GPR39: variants seen among roughly 807,000 people sequenced by gnomAD.
GPR39 encodes G protein-coupled receptor 39.
Under a neutral mutation model 18.4 loss-of-function variants are expected in GPR39, and 23 were observed. That is an observed-to-expected ratio of 1.25 (90% CI 0.90 to 1.77). GPR39 has a LOEUF of 1.77. Ranked by LOEUF, GPR39 falls within the 40% of genes most tolerant of loss-of-function variation. GPR39 has a pLI of 0.00. For synonymous variants in GPR39, 280 were observed against 257.9 expected (o/e 1.09, Z -0.82); for missense variants, 647 against 602.4 (o/e 1.07, Z -0.78).
chr2:132,579,796 CTTATCCT>C (rs1366744399), intron 1 of GPR39, among the ~76,000 whole-genome samples: 3 of 152,108 alleles, frequency 2.0e-5, no homozygotes, highest in African/African-American at 7.2e-5. Context: ...TCTCCTCTGA[CTTATCCT>C]TAAATGTTTC....
chr2:132,601,613 T>TG (rs1320560930), intron 1 of GPR39, among the ~76,000 whole-genome samples: 1 of 151,942 alleles, frequency 6.6e-6, no homozygotes, highest in African/African-American at 2.4e-5. Context: ...GCATATACAC[T>TG]GAAAAAAAGG....
chr2:132,462,379 T>G (rs764572615), intron 1 of GPR39, among the ~76,000 whole-genome samples: 35 of 152,184 alleles, frequency 2.3e-4, no homozygotes, highest in Non-Finnish European at 4.4e-4. Context: ...GAAACCTACT[T>G]CTCAGGGGTA....
intron 1 of GPR39, among the ~76,000 whole-genome samples, chr2:132,631,177 TGAA>T (rs1235036173): frequency 6.6e-6 from 1 of 152,130 alleles, no homozygotes; most frequent in Non-Finnish European, 1.5e-5. Flanking sequence ...AGATAACAGA[TGAA>T]GAATAGCTTT....
At chr2:132,612,227 C>G (rs955176324) in intron 1 of GPR39, among the ~76,000 whole-genome samples, 6 of 152,150 alleles carry the variant, frequency 3.9e-5, no homozygotes, top group Non-Finnish European at 7.3e-5. Context: ...AATTTGCTCT[C>G]CATCTCAGGA....
chr2:132,628,004 GTTATATT>G (rs1163156122), intron 1 of GPR39, among the ~76,000 whole-genome samples: 2 of 152,216 alleles, frequency 1.3e-5, no homozygotes, highest in African/African-American at 4.8e-5. Context: ...TGGCTCAGGT[GTTATATT>G]TTGGGCTTCT....
intron 1 of GPR39, among the ~76,000 whole-genome samples, chr2:132,551,987 C>G (rs1680053163): frequency 6.6e-6 from 1 of 152,122 alleles, no homozygotes; most frequent in Non-Finnish European, 1.5e-5. Context: ...AGAGAAATAG[C>G]ACCAATAGGA....
chr2:132,501,820 C>T (rs2104751011), intron 1 of GPR39, among the ~76,000 whole-genome samples: 1 of 152,202 alleles, frequency 6.6e-6, no homozygotes, highest in East Asian at 1.9e-4. Flanking sequence ...CCTTTTACCA[C>T]TATATAATGT....
chr2:132,632,400 G>A (rs1681666423), intron 1 of GPR39, among the ~76,000 whole-genome samples: 2 of 152,138 alleles, frequency 1.3e-5, no homozygotes, highest in Admixed American at 1.3e-4. Flanking sequence ...CTGACATTGT[G>A]TTCTTCACCA....
At chr2:132,483,532 C>T (rs975180411) in intron 1 of GPR39, among the ~76,000 whole-genome samples, 6 of 152,154 alleles carry the variant, frequency 3.9e-5, no homozygotes, top group African/African-American at 1.2e-4. Flanking sequence ...CGTGATTGGC[C>T]GTTCTGGTCT....
chr2:132,602,871 GA>G (rs56271366), intron 1 of GPR39, among the ~76,000 whole-genome samples: 12 of 137,970 alleles, frequency 8.7e-5, no homozygotes, highest in Admixed American at 5.1e-4. Context: ...CTTAAAAAGA[GA>G]AAAAAAAAAA....
intron 1 of GPR39, among the ~76,000 whole-genome samples, chr2:132,592,455 G>T (rs908669229): frequency 1.3e-5 from 2 of 152,184 alleles, no homozygotes; most frequent in African/African-American, 4.8e-5. Context: ...GGGGTAGTAG[G>T]AAATGAGGTC....
At chr2:132,550,733 G>C (rs1002394026) in intron 1 of GPR39, among the ~76,000 whole-genome samples, 14 of 152,228 alleles carry the variant, frequency 9.2e-5, no homozygotes, top group African/African-American at 3.1e-4. Flanking sequence ...CCAGCAAAAA[G>C]AAGTGATGTT....
chr2:132,531,810 A>C (rs1297614636), intron 1 of GPR39, among the ~76,000 whole-genome samples: 1 of 152,270 alleles, frequency 6.6e-6, no homozygotes, highest in East Asian at 1.9e-4. Context: ...ATGAGAACAA[A>C]GACACAATAT....
intron 1 of GPR39, among the ~76,000 whole-genome samples, chr2:132,519,578 A>T (rs1459446997): frequency 2.0e-5 from 3 of 152,196 alleles, no homozygotes; most frequent in Admixed American, 1.3e-4. Flanking sequence ...GAGATGTGTA[A>T]TGAGAGTCTG....
intron 1 of GPR39, among the ~76,000 whole-genome samples, chr2:132,492,323 CATACCATATAT>C (rs961373319): frequency 7.1e-6 from 1 of 141,810 alleles, no homozygotes; most frequent in African/African-American, 2.6e-5. Flanking sequence ...CATATATATA[CATACCATATAT>C]ATACCATATA....
intron 1 of GPR39, among the ~76,000 whole-genome samples, chr2:132,561,693 C>A (rs191351241): frequency 6.6e-6 from 1 of 151,950 alleles, no homozygotes. Context: ...CCCAGGAGAG[C>A]AAAGGGTATA....
chr2:132,576,993 T>C (rs552966346), intron 1 of GPR39, among the ~76,000 whole-genome samples: 4 of 152,308 alleles, frequency 2.6e-5, no homozygotes, highest in African/African-American at 9.6e-5. Flanking sequence ...CAATACCACA[T>C]TCTTGATTAT....
chr2:132,451,103 G>A (rs545524429), intron 1 of GPR39, among the ~76,000 whole-genome samples: 1 of 152,164 alleles, frequency 6.6e-6, no homozygotes, highest in African/African-American at 2.4e-5. Context: ...ATGGGGCTGT[G>A]GGAAGCTCTG....
chr2:132,536,043 G>A (rs770631179), intron 1 of GPR39, among the ~76,000 whole-genome samples: 5 of 145,532 alleles, frequency 3.4e-5, no homozygotes. Flanking sequence ...TTATTTGATT[G>A]TTTGAAAGGT....
Sources: allele counts gnomAD v4.1 joint callset (sites outside exome capture counted in the v4.1 genomes callset), GRCh38; gene constraint gnomAD v4.1.1; transcripts MANE v1.5; gene names NCBI Gene and HGNC (gene_info 2026-07-23, HGNC 2026-07-21).